KLF12: variants seen among roughly 807,000 people sequenced by gnomAD.
KLF12 encodes Krueppel-like factor 12.
Under a neutral mutation model 37.8 loss-of-function variants are expected in KLF12, and 9 were observed. The observed-to-expected ratio is 0.24, with a 90% CI of 0.14 to 0.42. The LOEUF (loss-of-function observed/expected upper bound fraction) is 0.42. Among genes scored for constraint, KLF12 ranks in the 10% least tolerant of loss-of-function variants. The pLI is 1.00. For synonymous variants in KLF12, 208 were observed against 202.1 expected (o/e 1.03, Z -0.25); for missense variants, 411 against 516.0 (o/e 0.80, Z 1.97).
At chr13:74,245,416 G>C in the KLF12 span, among the ~76,000 whole-genome samples, 1 of 152,070 alleles carries the variant, frequency 6.6e-6, no homozygotes, top group Non-Finnish European at 1.5e-5. Context: ...TGCTAGGAAA[G>C]TAATATAGGA....
At chr13:74,065,306 A>C (rs183443199) in intron 1 of KLF12, among the ~76,000 whole-genome samples, 1 of 152,040 alleles carries the variant, frequency 6.6e-6, no homozygotes, top group East Asian at 1.9e-4. Flanking sequence ...ATACACACTG[A>C]AATTTAAAAC....
chr13:74,110,501 C>G (rs984205325), intron 1 of KLF12, among the ~76,000 whole-genome samples: 6 of 152,198 alleles, frequency 3.9e-5, no homozygotes, highest in African/African-American at 1.4e-4. Context: ...TACTATCTTA[C>G]TGGCCTTTCT....
At chr13:73,753,227 T>C (rs1878910736) in intron 6 of KLF12, among the ~76,000 whole-genome samples, 1 of 152,204 alleles carries the variant, frequency 6.6e-6, no homozygotes, top group East Asian at 1.9e-4. Flanking sequence ...GTTTCACGCT[T>C]CCCCTCATTC....
At chr13:74,192,778 T>C in the KLF12 span, among the ~76,000 whole-genome samples, 2 of 152,206 alleles carry the variant, frequency 1.3e-5, no homozygotes, top group Non-Finnish European at 2.9e-5. Context: ...ATCTGTGGAC[T>C]TCTCCAAATA....
chr13:74,154,919 C>A, the KLF12 span, among the ~76,000 whole-genome samples: 1 of 152,182 alleles, frequency 6.6e-6, no homozygotes, highest in Non-Finnish European at 1.5e-5. Flanking sequence ...ATATTGCCAG[C>A]CACCAAATTT....
intron 1 of KLF12, among the ~76,000 whole-genome samples, chr13:74,058,607 C>T (rs1387346379): frequency 2.0e-5 from 3 of 151,902 alleles, no homozygotes; most frequent in Admixed American, 6.6e-5. Context: ...CCGCCCACCT[C>T]GGCCTCCCAA....
the KLF12 span, among the ~76,000 whole-genome samples, chr13:74,293,916 A>C: frequency 6.6e-6 from 1 of 152,178 alleles, no homozygotes; most frequent in South Asian, 2.1e-4. Context: ...GAAATTCTGA[A>C]TGTACAGCCC....
the KLF12 span, among the ~76,000 whole-genome samples, chr13:74,261,084 A>G: frequency 7.2e-5 from 11 of 152,306 alleles, no homozygotes; most frequent in Admixed American, 6.5e-4. Context: ...ACCACTAAAG[A>G]ACTTATCCGT....
intron 3 of KLF12, among the ~76,000 whole-genome samples, chr13:73,926,092 A>T (rs9543489): frequency 0.45 from 69,009 of 152,134 alleles, 17,634 homozygotes; most frequent in Non-Finnish European, 0.57. Flanking sequence ...TTATGAACGT[A>T]GTTGAGCATG....
At chr13:73,885,063 CTAAT>C (rs1185785651) in intron 3 of KLF12, among the ~76,000 whole-genome samples, 1 of 152,222 alleles carries the variant, frequency 6.6e-6, no homozygotes, top group East Asian at 1.9e-4. Flanking sequence ...ACTCTCTACT[CTAAT>C]TACTTTCCTA....
chr13:74,254,258 A>G, the KLF12 span, among the ~76,000 whole-genome samples: 2 of 152,178 alleles, frequency 1.3e-5, no homozygotes, highest in Non-Finnish European at 2.9e-5. Context: ...ATTAACTAGG[A>G]TAAAACAGGC....
intron 5 of KLF12, among the ~76,000 whole-genome samples, chr13:73,810,972 A>ATTT: frequency 1.3e-5 from 1 of 77,280 alleles, no homozygotes; most frequent in South Asian, 3.8e-4. Context: ...TATTTTTTTA[A>ATTT]TTTTTCTTTC....
rs917567347 is a variant in KLF12 at position 73,688,691 on chromosome 13, G to C, written c.*6799C>G. On this transcript the variant is annotated 3_prime_UTR_variant, in exon 8 of 8. Coordinates refer to ENST00000377669, the MANE Select transcript of KLF12 (RefSeq NM_007249.5). ...CCTTCATGCATGATTTTCCGGGAAA[G>C]GCCTGATTTCAAATATTCAGTACCA... is the stretch of plus-strand genomic sequence containing the variant. The C allele has an allele frequency of 6.6e-6, 1 of 152,156 alleles. No individual in the cohort carries two copies. Among genetic ancestry groups the C allele is most frequent in the Non-Finnish European group, 1.5e-5 (1 of 68,018 alleles). 9.4% of individuals were successfully genotyped at this position (152,156 alleles called of 1,614,324 possible). A position where few individuals can be genotyped will look rare whatever the true frequency, so the allele number is the denominator to read the frequency against.
the KLF12 span, among the ~76,000 whole-genome samples, chr13:74,305,046 A>G: frequency 2.0e-5 from 3 of 152,064 alleles, no homozygotes; most frequent in African/African-American, 7.2e-5. Context: ...CTGGTAATGC[A>G]TAATTAACCT....
the KLF12 span, among the ~76,000 whole-genome samples, chr13:74,185,989 G>C: frequency 5.9e-5 from 9 of 152,216 alleles, no homozygotes; most frequent in Middle Eastern, 3.4e-3. Flanking sequence ...TCTTTAATCA[G>C]AACAGTGATG....
At chr13:73,713,742 T>C (rs1389767445) in intron 7 of KLF12, among the ~76,000 whole-genome samples, 1 of 152,250 alleles carries the variant, frequency 6.6e-6, no homozygotes, top group Non-Finnish European at 1.5e-5. Context: ...GCCATGGAGT[T>C]AAATCCTTTA....
At chr13:73,707,250 G>T (rs541153089) in intron 7 of KLF12, among the ~76,000 whole-genome samples, 1 of 152,160 alleles carries the variant, frequency 6.6e-6, no homozygotes, top group African/African-American at 2.4e-5. Flanking sequence ...TCCTTTCCAG[G>T]GATTTACATG....
intron 1 of KLF12, among the ~76,000 whole-genome samples, chr13:74,035,085 T>C (rs1362454157): frequency 6.6e-6 from 1 of 152,188 alleles, no homozygotes; most frequent in Non-Finnish European, 1.5e-5. Context: ...GTGATACATA[T>C]ATACAGTAAT....
intron 3 of KLF12, among the ~76,000 whole-genome samples, chr13:73,905,460 C>T (rs1195799978): frequency 6.6e-6 from 1 of 151,830 alleles, no homozygotes; most frequent in Non-Finnish European, 1.5e-5. Context: ...AGAGTGAACC[C>T]AACATATCTT....
Sources: allele counts gnomAD v4.1 joint callset (sites outside exome capture counted in the v4.1 genomes callset), GRCh38; gene constraint gnomAD v4.1.1; transcripts MANE v1.5; gene names NCBI Gene and HGNC (gene_info 2026-07-23, HGNC 2026-07-21).